CLSPN: variants seen among roughly 807,000 people sequenced by gnomAD.
CLSPN encodes the protein claspin homolog.
A neutral mutation model predicts 156.3 loss-of-function variants in CLSPN; 85 were observed. The ratio of observed to expected loss-of-function variants is 0.54; its 90% CI spans 0.46 to 0.65. CLSPN has a LOEUF of 0.65. CLSPN is among the 30% of genes least tolerant of loss of function. CLSPN has a pLI of 0.00. For missense variants in CLSPN, 1,407 were observed against 1,554.9 expected, an observed-to-expected ratio of 0.90 and a Z score of 1.60; for synonymous variants, 534 against 542.4, an observed-to-expected ratio of 0.98 and a Z score of 0.22.
intron 16 of CLSPN, among the ~76,000 whole-genome samples, chr1:35,744,345 T>TG (rs1328092298): frequency 1.3e-5 from 2 of 152,344 alleles, no homozygotes; most frequent in East Asian, 3.9e-4. Flanking sequence ...CTTGCTCTGA[T>TG]GCCCAGAGTG....
chr1:35,723,597 T>C (rs1271875360), intron 24 of CLSPN, among the ~76,000 whole-genome samples: 2 of 152,232 alleles, frequency 1.3e-5, no homozygotes, highest in Admixed American at 1.3e-4. Context: ...TTTACATGTA[T>C]CATACAGTTA....
chr1:35,743,679 A>G, intron 16 of CLSPN, 149 bp from the exon 17 acceptor site: 1 of 618,472 alleles, frequency 1.6e-6, no homozygotes, highest in East Asian at 2.8e-5. Context: ...CCTGGAATAC[A>G]GTGGCACCAT....
At chr1:35,747,777 T>A in intron 14 of CLSPN, 130 bp downstream of exon 14, 1 of 828,252 alleles carries the variant, frequency 1.2e-6, no homozygotes, top group South Asian at 1.9e-5. Context: ...AATGTAATAC[T>A]AATGGTCTGT....
chr1:35,734,743 A>G lies in CLSPN; in HGVS notation c.*1753T>C, dbSNP rs1468105222. On this transcript the variant is annotated 3_prime_UTR_variant, in exon 25 of 25. Transcript: ENST00000318121. ...GAAAAGAAAAGAAAAACTGTAAAAA[A>G]CCTACAACCTAATTGCATCAATTAA... is the stretch of plus-strand genomic sequence containing the variant. The G allele has an allele frequency of 1.0e-6, 1 of 982,892 alleles. No homozygotes were observed. The highest frequency in any genetic ancestry group is 6.2e-5 in the Admixed American group (1 of 16,234). The allele number at this position is 982,892 out of a possible 1,614,324, so 60.9% of individuals were successfully genotyped here.
intron 8 of CLSPN, among the ~76,000 whole-genome samples, chr1:35,756,702 C>A (rs1373690902): frequency 1.3e-5 from 2 of 152,158 alleles, no homozygotes; most frequent in Admixed American, 6.5e-5. Context: ...TTGCAAGCAA[C>A]AGAAATAATG....
rs774950860 is a variant in CLSPN at position 35,764,470 on chromosome 1, C to T, written c.378G>A (p.Ala126=). ...TCAGCTCTAAGCAAGGTTTCACTTG[C>T]GCTTCAAGATTTTCCTGATACAAAG... ...EKSLYQENLE[A]QVKPCLELSL... is the part of the protein sequence containing the mutation. The change falls in exon 3 of 25, where the codon GCG becomes GCA. Residue 126 remains alanine, a synonymous_variant. Transcript: ENST00000318121. 1.9e-5 allele frequency: 31 copies of T among 1,613,940 alleles called. No homozygotes were observed. Among genetic ancestry groups the T allele is most frequent in the African/African-American group, 1.1e-4 (8 of 74,922 alleles).
rs573684647 is a variant in CLSPN at position 35,764,236 on chromosome 1, A to ATT, written c.582+29_582+30insAA. 424 of 1,411,880 alleles carry ATT rather than the reference A, an allele frequency of 3.0e-4. No individual in the cohort carries two copies. The South Asian group carries it at 5.4e-3, about 18-fold the overall frequency. The allele number at this position is 1,411,880 out of a possible 1,614,324, so 87.5% of individuals were successfully genotyped here. ...CTTTTCTAAAATGTTAACCTACCCA[A>ATT]GCAATAGCAAATTATTCTTTAAAAT... On this transcript the variant is annotated intron_variant, in intron 3 of 24. Transcript: ENST00000318121.
intron 8 of CLSPN, among the ~76,000 whole-genome samples, chr1:35,758,616 G>T (rs1642367279): frequency 6.6e-6 from 1 of 151,738 alleles, no homozygotes; most frequent in South Asian, 2.1e-4. Flanking sequence ...TTGCACTCCA[G>T]CCTAGGTGGC....
Position 35,751,410 on chromosome 1 carries a change from T to C in CLSPN, c.1868A>G (p.Asp623Gly). The change falls in exon 10 of 25, where the codon GAT (aspartate) becomes GGT (glycine). Residue 623 changes from aspartate to glycine, a missense_variant. Physicochemically the swap from Asp to Gly is moderately conservative, Grantham distance 94. Coordinates refer to ENST00000318121, the MANE Select transcript of CLSPN (RefSeq NM_022111.4). Reference protein sequence around the residue: ...RQKRQALFKLDNEDGFEEEEE... With the variant: ...RQKRQALFKLGNEDGFEEEEE... ...CTCTTCCTCAAACCCATCTTCATTA[T>C]CTAATTTAAACAGTGCTTGGCGCTT... The C allele has an allele frequency of 6.2e-7, 1 of 1,614,016 alleles. No homozygotes were observed. The highest frequency in any genetic ancestry group is 8.5e-7 in the Non-Finnish European group (1 of 1,180,010).
At position 35,734,788 on chromosome 1, in the gene CLSPN, AGT is replaced by A. The variant is rs1641411238; in HGVS notation, c.*1706_*1707del. 2.0e-6 allele frequency: 2 copies of A among 985,090 alleles called. No homozygotes were observed. The highest frequency in any genetic ancestry group is 3.5e-5 in the African/African-American group (2 of 57,222). The allele number at this position is 985,090 out of a possible 1,614,324, so 61.0% of individuals were successfully genotyped here. Reference sequence around the variant, plus strand: ...AATTAAATTGGTGTTCCCATCTCCCAGTAAAAAACTGGCACACTCTCTTCCAA... The same window carrying A: ...AATTAAATTGGTGTTCCCATCTCCCAAAAAAACTGGCACACTCTCTTCCAA... On this transcript the variant is annotated 3_prime_UTR_variant, in exon 25 of 25. Coordinates refer to ENST00000318121, the MANE Select transcript of CLSPN (RefSeq NM_022111.4).
At chr1:35,720,796 G>A in exon 25 of CLSPN, 1 of 856,208 alleles carries the variant, frequency 1.2e-6, no homozygotes, top group South Asian at 1.7e-5. Flanking sequence ...GGGTTATGCA[G>A]TTCTGCCCAG....
rs753316111 is a variant in CLSPN, at chr1:35,761,237, T to A, written c.896-33A>T. The A allele has an allele frequency of 1.1e-5, 13 of 1,223,540 alleles. No individual in the cohort carries two copies. The South Asian group carries it at 1.5e-4, about 14-fold the overall frequency. The allele number at this position is 1,223,540 out of a possible 1,614,324, so 75.8% of individuals were successfully genotyped here. A position where few individuals can be genotyped will look rare whatever the true frequency, so the allele number is the denominator to read the frequency against. On this transcript the variant is annotated intron_variant, in intron 6 of 24. Coordinates refer to ENST00000318121, the MANE Select transcript of CLSPN (RefSeq NM_022111.4). The stretch of plus-strand genomic sequence containing the variant: ...ATGGAATAAAACAAGCAAATATATA[T>A]ACTGTATATTCTGAAATGTCACTTC...
At chr1:35,753,974 G>A in intron 8 of CLSPN, 38 bp from the exon 9 acceptor site, 1 of 1,589,176 alleles carries the variant, frequency 6.3e-7, no homozygotes, top group Non-Finnish European at 8.6e-7. Context: ...AGTTTGCCAT[G>A]CTCAAAACTC....
chr1:35,744,032 G>C (rs1297390653), intron 16 of CLSPN, among the ~76,000 whole-genome samples: 1 of 151,980 alleles, frequency 6.6e-6, no homozygotes, highest in Non-Finnish European at 1.5e-5. Context: ...CCTTTTTAAC[G>C]ATCTTTCTAT....
chr1:35,749,837 C>A (rs1369610542), intron 10 of CLSPN, 26 bp from the exon 11 acceptor site: 3 of 1,597,144 alleles, frequency 1.9e-6, no homozygotes, highest in Non-Finnish European at 1.7e-6. Context: ...CACCACAAAA[C>A]AAAAAATACA....
chr1:35,743,973 A>C (rs1401503503), intron 16 of CLSPN, among the ~76,000 whole-genome samples: 1 of 152,150 alleles, frequency 6.6e-6, no homozygotes, highest in Non-Finnish European at 1.5e-5. Flanking sequence ...ACAGGAAGAA[A>C]ATTTTTTAAA....
At position 35,763,127 on chromosome 1, in the gene CLSPN, G is replaced by A; in HGVS notation, c.744+33C>T. ...AATATAGCAAAGGTCAGAAGCAGTT[G>A]ATTAACTCTTATTGCAATCATGCTT... On this transcript the variant is annotated intron_variant, in intron 4 of 24. Transcript: ENST00000318121. The A allele has an allele frequency of 2.7e-6, 4 of 1,481,166 alleles. No individual in the cohort carries two copies. The South Asian group carries it at 5.6e-5, about 21-fold the overall frequency. 91.8% of individuals were successfully genotyped at this position (1,481,166 alleles called of 1,614,324 possible). A position where few individuals can be genotyped will look rare whatever the true frequency, so the allele number is the denominator to read the frequency against.
intron 24 of CLSPN, among the ~76,000 whole-genome samples, chr1:35,724,905 C>T (rs1300684584): frequency 6.6e-6 from 1 of 152,172 alleles, no homozygotes; most frequent in Non-Finnish European, 1.5e-5. Flanking sequence ...TTTAGTCTAT[C>T]AAGAAATTAC....
chr1:35,730,984 G>A (rs889778652), downstream of CLSPN, among the ~76,000 whole-genome samples: 1 of 152,068 alleles, frequency 6.6e-6, no homozygotes, highest in Non-Finnish European at 1.5e-5. Flanking sequence ...GGCGGATCAC[G>A]AGGTCAAGAG....
Sources: allele counts gnomAD v4.1 joint callset (sites outside exome capture counted in the v4.1 genomes callset), GRCh38; gene constraint gnomAD v4.1.1; transcripts MANE v1.5; gene names NCBI Gene and HGNC (gene_info 2026-07-23, HGNC 2026-07-21).